The following MTOR variants were observed in gnomAD, a reference collection of about 807,000 sequenced individuals.
MTOR encodes the protein mechanistic target of rapamycin kinase.
In MTOR, 70 loss-of-function variants were observed where a neutral mutation model predicts 319.8. The ratio of observed to expected loss-of-function variants is 0.22; its 90% CI spans 0.18 to 0.27. MTOR has a LOEUF of 0.27. Ranked by LOEUF, MTOR falls within the 10% of genes least tolerant of loss-of-function variation. MTOR has a pLI of 1.00. For missense variants in MTOR, 1,890 were observed against 3,274.4 expected, an observed-to-expected ratio of 0.58 and a Z score of 10.32; for synonymous variants, 1,183 against 1,211.4, an observed-to-expected ratio of 0.98 and a Z score of 0.49.
chr1:11,192,473 C>T lies in MTOR; in HGVS notation c.4253+6785G>A, dbSNP rs1557826003. 5 of 1,022,768 alleles carry T rather than the reference C, an allele frequency of 4.9e-6. No homozygotes were observed. In the East Asian group the frequency reaches 9.6e-5, roughly 20 times the overall value. The allele number at this position is 1,022,768 out of a possible 1,614,324, so 63.4% of individuals were successfully genotyped here. On this transcript the variant is annotated intron_variant, in intron 28 of 57. Transcript: ENST00000361445. ...TTCACAGTTTAAAGAAAGGAAAATT[C>T]GGCTGGGCGCAGTGGCTCACACCTG...
At chr1:11,178,493 C>T (rs1366207438) in intron 28 of MTOR, among the ~76,000 whole-genome samples, 1 of 152,212 alleles carries the variant, frequency 6.6e-6, no homozygotes, top group African/African-American at 2.4e-5. Flanking sequence ...GCACACCGCT[C>T]CCAGCATGTC....
Position 11,228,739 on chromosome 1 carries a change from C to G in MTOR, c.2959G>C (p.Val987Leu), listed in dbSNP as rs2100855037. Residue 987 changes from valine to leucine, a missense_variant, in exon 19 of 58, where the codon GTG (valine) becomes CTG (leucine). Transcript: ENST00000361445. Reference sequence around the variant, plus strand: ...GGCATGACCTGGGGCAGGAACTGCACACATTTGAGTCCCAGGGACTTGAAG... The same window carrying G: ...GGCATGACCTGGGGCAGGAACTGCAGACATTTGAGTCCCAGGGACTTGAAG... ...FIFKSLGLKC[V>L]QFLPQVMPTF... 6.2e-7 allele frequency: 1 copy of G among 1,614,118 alleles called. No homozygotes were observed. The highest frequency in any genetic ancestry group is 1.7e-5 in the Admixed American group (1 of 60,012).
At chr1:11,250,376 C>A (rs1649515129) in intron 6 of MTOR, among the ~76,000 whole-genome samples, 1 of 152,220 alleles carries the variant, frequency 6.6e-6, no homozygotes, top group African/African-American at 2.4e-5. Context: ...ACCAGTGAGT[C>A]TTAAGCTGCT....
intron 8 of MTOR, among the ~76,000 whole-genome samples, chr1:11,246,731 A>C (rs1417310122): frequency 2.0e-5 from 3 of 152,206 alleles, no homozygotes; most frequent in Non-Finnish European, 4.4e-5. Context: ...GGCAATGAGC[A>C]CCACGGTAAA....
rs578148544 is a variant in MTOR, at chr1:11,128,520, C to T, written c.5844G>A (p.Thr1948=). Residue 1948 remains threonine, a synonymous_variant, in exon 42 of 58, where the codon ACG becomes ACA. Coordinates refer to ENST00000361445, the MANE Select transcript of MTOR (RefSeq NM_004958.4). The surrounding 1 kb of genome is among the most constrained non-coding windows in gnomAD (Gnocchi z 5.3). ...VIPQLIARID[T]PRPLVGRLIH... is the part of the protein sequence containing the mutation. Reference sequence around the variant, plus strand: ...TGAGACGTCCCACCAAGGGTCTGGGCGTATCAATTCTTGCAATGAGCTGAG... The same window carrying T: ...TGAGACGTCCCACCAAGGGTCTGGGTGTATCAATTCTTGCAATGAGCTGAG... 3.8e-5 allele frequency: 61 copies of T among 1,614,088 alleles called. No individual in the cohort carries two copies. In the South Asian group the frequency reaches 4.5e-4, roughly 12 times the overall value.
chr1:11,108,816 G>A (rs1045376457), intron 56 of MTOR, among the ~76,000 whole-genome samples: 1 of 151,620 alleles, frequency 6.6e-6, no homozygotes, highest in African/African-American at 2.4e-5. Context: ...CCAACATGGT[G>A]AAACCCCATC....
chr1:11,119,626 A>G (rs370476918), intron 49 of MTOR, among the ~76,000 whole-genome samples: 1 of 148,362 alleles, frequency 6.7e-6, no homozygotes, highest in African/African-American at 2.5e-5. Context: ...CGCGCCTGTA[A>G]TTCCAGGTAC....
chr1:11,189,513 C>T, intron 28 of MTOR: 1 of 1,511,264 alleles, frequency 6.6e-7, no homozygotes, highest in Non-Finnish European at 8.8e-7. Flanking sequence ...TGCAGCTTTG[C>T]AGACCTCAGC....
chr1:11,258,655 G>C, intron 2 of MTOR, 62 bp from the exon 3 acceptor site: 1 of 1,292,550 alleles, frequency 7.7e-7, no homozygotes, highest in South Asian at 1.3e-5. Context: ...TGGTGGGAGT[G>C]GGCTGGCATC....
rs1379004358 is a variant in MTOR, at chr1:11,213,306, G to A, written c.3285+93C>T. 8.8e-6 allele frequency: 12 copies of A among 1,364,906 alleles called. No homozygotes were observed. In the African/African-American group the frequency reaches 1.7e-4, roughly 20 times the overall value. The allele number at this position is 1,364,906 out of a possible 1,614,324, so 84.5% of individuals were successfully genotyped here. ...TGTCTTATGGAATGGGCATCAACCT[G>A]TCACTCAGAATGAGGTCTCAGCTTT... On this transcript the variant is annotated intron_variant, in intron 21 of 57. Transcript: ENST00000361445.
Position 11,199,598 on chromosome 1 carries a change from G to A in MTOR, c.4050C>T (p.Ile1350=), listed in dbSNP as rs56391084. 3.5e-4 allele frequency: 564 copies of A among 1,614,178 alleles called. 4 individuals carry two copies. In the African/African-American group the frequency reaches 6.4e-3, roughly 18 times the overall value. ...SIELALTSQD[I]AEVTQTLLNL... ...TTAAGAGGGTCTGTGTGACTTCAGCGATGTCTTGTGAGGTGAGGGCCAACT... is the reference window on the plus strand; with the variant it reads ...TTAAGAGGGTCTGTGTGACTTCAGCAATGTCTTGTGAGGTGAGGGCCAACT... Residue 1350 remains isoleucine, a synonymous_variant, in exon 27 of 58, where the codon ATC becomes ATT. Coordinates refer to ENST00000361445, the MANE Select transcript of MTOR (RefSeq NM_004958.4). The surrounding 1 kb of genome is among the most constrained non-coding windows in gnomAD (Gnocchi z 4.5).
At chr1:11,249,005 C>G (rs1649224055) in intron 6 of MTOR, among the ~76,000 whole-genome samples, 1 of 152,122 alleles carries the variant, frequency 6.6e-6, no homozygotes, top group Admixed American at 6.5e-5. Context: ...GTGGGCAGAT[C>G]ATGAGGTCAG....
chr1:11,207,687 G>A (rs1246477579), intron 25 of MTOR, among the ~76,000 whole-genome samples: 1 of 149,218 alleles, frequency 6.7e-6, no homozygotes. Flanking sequence ...TATACAGATG[G>A]TGTTTTACTA....
rs1647002325 is a variant in MTOR at position 11,231,133 on chromosome 1, G to T, written c.2650-79C>A. 3 of 1,606,556 alleles carry T rather than the reference G, an allele frequency of 1.9e-6. No homozygotes were observed. The South Asian group carries it at 3.3e-5, about 18-fold the overall frequency. ...ACAAGTATCACGGATACTCCTCTCA[G>T]GTTACATAATCCCCAGTTCATATCC... On this transcript the variant is annotated intron_variant, in intron 17 of 57. Transcript: ENST00000361445.
In MTOR at chr1:11,239,436, C is replaced by G. The variant is rs1380111091; in HGVS notation, c.1787-819G>C. Among the ~76,000 whole-genome samples the G allele has an allele frequency of 2.0e-5, 3 of 152,176 alleles. No homozygotes were observed. The East Asian group carries it at 5.8e-4, about 29-fold the overall frequency. On this transcript the variant is annotated intron_variant, in intron 11 of 57. Coordinates refer to ENST00000361445, the MANE Select transcript of MTOR (RefSeq NM_004958.4). The stretch of plus-strand genomic sequence containing the variant: ...ATAGAGAAACCATGGGTGGCTGTCT[C>G]CAGACAGCATGTTCAGGCTTTCTGT...
intron 28 of MTOR, among the ~76,000 whole-genome samples, chr1:11,182,369 G>C (rs931048999): frequency 6.6e-6 from 1 of 152,134 alleles, no homozygotes; most frequent in Non-Finnish European, 1.5e-5. Flanking sequence ...GACAACAATT[G>C]TGTACTAAAT....
intron 28 of MTOR, chr1:11,194,619 C>T: frequency 6.2e-7 from 1 of 1,614,176 alleles, no homozygotes; most frequent in Non-Finnish European, 8.5e-7. Context: ...AGGACAAGGA[C>T]AATGACAACT....
chr1:11,167,351 GA>G, intron 29 of MTOR, 90 bp downstream of exon 29: 1 of 1,002,214 alleles, frequency 1.0e-6, no homozygotes, highest in Non-Finnish European at 1.6e-6. Context: ...AGAAAAAACA[GA>G]AAAGGAAAGT....
At position 11,204,694 on chromosome 1, in the gene MTOR, C is replaced by T. The variant is rs1384864432; in HGVS notation, c.3811G>A (p.Ala1271Thr). ...TCATCTTTGGAGACCCTCCTGGCAGCGCCCCAGGCCTGTGATCCCACAGGT... is the reference window on the plus strand; with the variant it reads ...TCATCTTTGGAGACCCTCCTGGCAGTGCCCCAGGCCTGTGATCCCACAGGT... ...STINLQKAWG[A>T]ARRVSKDDWL... Residue 1271 changes from alanine to threonine, a missense_variant, in exon 26 of 58, where the codon GCT becomes ACT. This residue lies in a region of MTOR where 49 missense variants were observed against 119.1 expected (regional missense o/e 0.41). Transcript: ENST00000361445. The T allele has an allele frequency of 6.2e-7, 1 of 1,613,878 alleles. No homozygotes were observed. Among genetic ancestry groups the T allele is most frequent in the Admixed American group, 1.7e-5 (1 of 59,984 alleles).
Sources: allele counts gnomAD v4.1 joint callset (sites outside exome capture counted in the v4.1 genomes callset), GRCh38; gene constraint gnomAD v4.1.1; regional missense constraint gnomAD v4.1.1; non-coding constraint Gnocchi (gnomAD v3.1); transcripts MANE v1.5; gene names NCBI Gene and HGNC (gene_info 2026-07-23, HGNC 2026-07-21).